The following SLC1A6 variants were observed in gnomAD, a reference collection of about 807,000 sequenced individuals.
SLC1A6 encodes excitatory amino acid transporter 4.
A neutral mutation model predicts 42.1 loss-of-function variants in SLC1A6; 15 were observed. The ratio of observed to expected loss-of-function variants is 0.36; its 90% CI spans 0.24 to 0.55. The LOEUF is 0.55. SLC1A6 is among the 20% of genes least tolerant of loss of function. The pLI, the probability that SLC1A6 is intolerant of heterozygous loss-of-function variation, is 0.88. For synonymous variants in SLC1A6, 317 were observed against 319.7 expected (o/e 0.99, Z 0.09); for missense variants, 542 against 772.5 (o/e 0.70, Z 3.54).
At chr19:15,001,064 T>C (rs1449882101) in intron 1 of SLC1A6, among the ~76,000 whole-genome samples, 1 of 152,222 alleles carries the variant, frequency 6.6e-6, no homozygotes, top group Non-Finnish European at 1.5e-5. Context: ...AAGTCCTTGG[T>C]TGGTCCACAC....
chr19:14,963,223 G>C (rs2045535442), intron 5 of SLC1A6, among the ~76,000 whole-genome samples: 1 of 152,304 alleles, frequency 6.6e-6, no homozygotes, highest in Non-Finnish European at 1.5e-5. Context: ...AATATTGCAT[G>C]CTCTCACTTA....
chr19:14,959,610 T>G (rs2045491535), intron 6 of SLC1A6, among the ~76,000 whole-genome samples: 1 of 152,236 alleles, frequency 6.6e-6, no homozygotes, highest in Non-Finnish European at 1.5e-5. Flanking sequence ...GTACAAAGTC[T>G]TCTCCCATTT....
intron 1 of SLC1A6, among the ~76,000 whole-genome samples, chr19:15,001,231 G>T (rs1174274193): frequency 1.3e-5 from 2 of 152,134 alleles, no homozygotes; most frequent in Non-Finnish European, 2.9e-5. Context: ...CCAAGGAGCT[G>T]ACATTCTAGA....
intron 1 of SLC1A6, among the ~76,000 whole-genome samples, chr19:15,009,577 A>G (rs1469057453): frequency 6.6e-6 from 1 of 152,030 alleles, no homozygotes; most frequent in African/African-American, 2.4e-5. Flanking sequence ...GGACAAACAG[A>G]GTGGAAAACA....
chr19:14,987,235 G>A (rs111976739), intron 1 of SLC1A6, among the ~76,000 whole-genome samples: 3,417 of 152,120 alleles, frequency 0.022, 136 homozygotes, highest in African/African-American at 0.078. Context: ...TTGGGAAGCC[G>A]AGGTGAGCGG....
intron 1 of SLC1A6, among the ~76,000 whole-genome samples, chr19:15,001,366 A>G (rs12978392): frequency 0.097 from 14,825 of 152,234 alleles, 881 homozygotes; most frequent in East Asian, 0.2. Context: ...TAATATTTGA[A>G]CAGAGACCCA....
In SLC1A6 at chr19:14,954,116, C is replaced by T; in HGVS notation, c.1364+19G>A. ...GCTTAAGTCTCACCTGCTGGCAGGT[C>T]CTACCCAAGCCCCCTCACCTGATGG... On this transcript the variant is annotated intron_variant, in intron 8 of 9. Transcript: ENST00000594383. 6.4e-7 allele frequency: 1 copy of T among 1,565,798 alleles called. No homozygotes were observed. Among genetic ancestry groups the T allele is most frequent in the Non-Finnish European group, 8.7e-7 (1 of 1,153,552 alleles).
chr19:14,953,221 C>T (rs1284208749), intron 8 of SLC1A6, among the ~76,000 whole-genome samples, 159 bp from the exon 9 acceptor site: 1 of 150,924 alleles, frequency 6.6e-6, no homozygotes, highest in Non-Finnish European at 1.5e-5. Context: ...CTTGATGCCT[C>T]GCCTCGCCTC....
At chr19:14,996,803 G>C (rs746536464) in intron 1 of SLC1A6, among the ~76,000 whole-genome samples, 3 of 151,946 alleles carry the variant, frequency 2.0e-5, no homozygotes, top group Non-Finnish European at 4.4e-5. Context: ...AAGCCATTAG[G>C]AAAGAAAGAT....
chr19:15,003,067 C>T, intron 1 of SLC1A6, among the ~76,000 whole-genome samples: 1 of 152,198 alleles, frequency 6.6e-6, no homozygotes, highest in East Asian at 1.9e-4. Context: ...CAACCTCCGC[C>T]CCCCGGGTTC....
At chr19:14,952,863 C>T (rs1333626821) in intron 9 of SLC1A6, 65 bp downstream of exon 9, 3 of 1,549,650 alleles carry the variant, frequency 1.9e-6, no homozygotes, top group African/African-American at 1.4e-5. Flanking sequence ...AGGTCGAGGA[C>T]GTTGCAGGGG....
intron 6 of SLC1A6, 106 bp from the exon 7 acceptor site, chr19:14,956,815 C>T: frequency 2.9e-6 from 2 of 691,134 alleles, no homozygotes; most frequent in Non-Finnish European, 5.0e-6. Flanking sequence ...TGGAGCCACA[C>T]AATACCCATG....
chr19:14,992,944 G>A (rs1339207069), intron 1 of SLC1A6, among the ~76,000 whole-genome samples: 1 of 152,136 alleles, frequency 6.6e-6, no homozygotes, highest in African/African-American at 2.4e-5. Context: ...CTAGCCTGAG[G>A]CATCCCCGCA....
rs2045505524 is a variant in SLC1A6 at position 14,960,971 on chromosome 19, A to G, written c.935+1031T>C. Among the ~76,000 whole-genome samples, 4 of 134,282 alleles carry G rather than the reference A, an allele frequency of 3.0e-5. No homozygotes were observed. The South Asian group carries it at 9.3e-4, about 31-fold the overall frequency. 88.1% of individuals were successfully genotyped at this position (134,282 alleles called of 152,430 possible). A position where few individuals can be genotyped will look rare whatever the true frequency, so the allele number is the denominator to read the frequency against. On this transcript the variant is annotated intron_variant, in intron 6 of 9. Coordinates refer to ENST00000594383, the MANE Select transcript of SLC1A6 (RefSeq NM_005071.3). The stretch of plus-strand genomic sequence containing the variant: ...GAGACTGGGTCTCATTCTGTCACCC[A>G]GGCAACCACAACTCACTGCAGCCTC...
chr19:14,971,941 A>T, intron 2 of SLC1A6, 67 bp from the exon 3 acceptor site: 8 of 1,559,934 alleles, frequency 5.1e-6, no homozygotes, highest in Non-Finnish European at 7.0e-6. Flanking sequence ...GGGTCCATCC[A>T]TCCCAAGAAG....
upstream of SLC1A6, among the ~76,000 whole-genome samples, chr19:14,981,910 C>A (rs1234046235): frequency 1.3e-5 from 2 of 152,064 alleles, no homozygotes; most frequent in African/African-American, 2.4e-5. Context: ...TGCCTGTAGT[C>A]CCAGATACTC....
chr19:14,970,927 C>T (rs992044743), intron 3 of SLC1A6, among the ~76,000 whole-genome samples: 2 of 151,962 alleles, frequency 1.3e-5, no homozygotes, highest in African/African-American at 4.8e-5. Context: ...GTCAGGAAAT[C>T]GATATCATCC....
chr19:15,003,926 C>T (rs977046374), intron 1 of SLC1A6, among the ~76,000 whole-genome samples: 1 of 152,104 alleles, frequency 6.6e-6, no homozygotes, highest in African/African-American at 2.4e-5. Context: ...GAGGCCAAGC[C>T]GGGTGGATTG....
rs761227244 is a variant in SLC1A6 at position 14,950,315 on chromosome 19, C to T, written c.1575G>A (p.Arg525=). 65 of 1,612,198 alleles carry T rather than the reference C, an allele frequency of 4.0e-5. No individual in the cohort carries two copies. The highest frequency in any genetic ancestry group is 5.5e-5 in the Non-Finnish European group (65 of 1,178,998). Residue 525 remains arginine (R), a synonymous_variant, in exon 10 of 10, where the codon CGG becomes CGA. Coordinates refer to ENST00000594383, the MANE Select transcript of SLC1A6 (RefSeq NM_005071.3). ...GAAVIEHLSQ[R]ELELQEAELT... is the part of the protein sequence containing the mutation. ...GCTCAGCTTCCTGAAGCTCCAGCTC[C>T]CGCTGAGACAAGTGCTCGATGACGG... is the stretch of plus-strand genomic sequence containing the variant.
Sources: allele counts gnomAD v4.1 joint callset (sites outside exome capture counted in the v4.1 genomes callset), GRCh38; gene constraint gnomAD v4.1.1; transcripts MANE v1.5; gene names NCBI Gene and HGNC (gene_info 2026-07-23, HGNC 2026-07-21).